BCKDHB: variants seen among roughly 807,000 people sequenced by gnomAD.
BCKDHB encodes the protein 2-oxoisovalerate dehydrogenase subunit beta, mitochondrial.
In BCKDHB, 41 loss-of-function variants were observed where a neutral mutation model predicts 48.5. The observed-to-expected ratio is 0.85, with a 90% CI of 0.66 to 1.10. BCKDHB has a LOEUF of 1.10. Among genes scored for constraint, BCKDHB ranks in the 50% least tolerant of loss-of-function variants. BCKDHB has a pLI of 0.00. For synonymous variants in BCKDHB, 201 were observed against 174.8 expected (o/e 1.15, Z -1.18); for missense variants, 496 against 494.2 (o/e 1.00, Z -0.03).
At chr6:80,239,495 G>T (rs1776289310) in intron 8 of BCKDHB, among the ~76,000 whole-genome samples, 2 of 152,062 alleles carry the variant, frequency 1.3e-5, no homozygotes, top group Admixed American at 1.3e-4. Flanking sequence ...GTAGATTCTG[G>T]ATATTAGCCC....
chr6:80,138,873 G>A (rs1392968900), intron 3 of BCKDHB, among the ~76,000 whole-genome samples: 8 of 152,158 alleles, frequency 5.3e-5, no homozygotes, highest in African/African-American at 7.2e-5. Context: ...CTGAGGAATC[G>A]CCACACTGAC....
intron 1 of BCKDHB, among the ~76,000 whole-genome samples, chr6:80,124,022 G>A (rs1770195741): frequency 6.6e-6 from 1 of 152,078 alleles, no homozygotes; most frequent in African/African-American, 2.4e-5. Flanking sequence ...TTTCTCTTGT[G>A]GGCATTTAGA....
At chr6:80,438,790 T>C in the BCKDHB span, among the ~76,000 whole-genome samples, 48 of 152,330 alleles carry the variant, frequency 3.2e-4, 1 homozygote, top group East Asian at 5.8e-3. Context: ...CATCTGTGTT[T>C]GTTGTATTTG....
At chr6:80,404,962 T>C in the BCKDHB span, among the ~76,000 whole-genome samples, 1 of 152,164 alleles carries the variant, frequency 6.6e-6, no homozygotes, top group Non-Finnish European at 1.5e-5. Flanking sequence ...GCCTGCCGTA[T>C]GATCTATTCC....
the BCKDHB span, among the ~76,000 whole-genome samples, chr6:80,412,829 G>A: frequency 6.6e-6 from 1 of 152,134 alleles, no homozygotes; most frequent in Admixed American, 6.5e-5. Context: ...TCAATTTTTT[G>A]AGTATGTAAT....
At chr6:80,425,618 A>C in the BCKDHB span, among the ~76,000 whole-genome samples, 1 of 152,200 alleles carries the variant, frequency 6.6e-6, no homozygotes, top group African/African-American at 2.4e-5. Flanking sequence ...AGTTTTGAAC[A>C]CTTAGTCACC....
the BCKDHB span, among the ~76,000 whole-genome samples, chr6:80,466,454 ATATAT>A: frequency 6.6e-6 from 1 of 152,188 alleles, no homozygotes; most frequent in Non-Finnish European, 1.5e-5. Flanking sequence ...GTTAATAAAA[ATATAT>A]TATACATTTG....
the BCKDHB span, chr6:80,443,506 GA>G: frequency 6.6e-6 from 1 of 152,152 alleles, no homozygotes; most frequent in East Asian, 1.9e-4. Context: ...TGAAAAGCGG[GA>G]AGAGCTTCTT....
At chr6:80,178,094 A>T (rs370487614) in intron 6 of BCKDHB, among the ~76,000 whole-genome samples, 10 of 152,266 alleles carry the variant, frequency 6.6e-5, no homozygotes, top group African/African-American at 2.2e-4. Flanking sequence ...CAGTCATCTC[A>T]TCTGACCTGC....
chr6:80,361,551 C>A, the BCKDHB span, among the ~76,000 whole-genome samples: 1 of 152,092 alleles, frequency 6.6e-6, no homozygotes, highest in Admixed American at 6.5e-5. Flanking sequence ...GCAGGAAAGC[C>A]CCCTGGGGTT....
chr6:80,379,656 ATC>A, the BCKDHB span, among the ~76,000 whole-genome samples: 2,911 of 152,086 alleles, frequency 0.019, 86 homozygotes, highest in African/African-American at 0.067. Flanking sequence ...GTGTCCAATT[ATC>A]TCTGTTTGCT....
the BCKDHB span, among the ~76,000 whole-genome samples, chr6:80,357,204 A>G: frequency 6.6e-6 from 1 of 152,164 alleles, no homozygotes; most frequent in African/African-American, 2.4e-5. Context: ...GGCACCCAGG[A>G]ACTAGCAACT....
chr6:80,135,845 T>A (rs1359834392), intron 3 of BCKDHB: 3 of 152,142 alleles, frequency 2.0e-5, no homozygotes, highest in African/African-American at 7.2e-5. Context: ...TCTCCAACAG[T>A]CCCTGGCAAG....
At chr6:80,443,836 T>C in the BCKDHB span, among the ~76,000 whole-genome samples, 5 of 151,968 alleles carry the variant, frequency 3.3e-5, no homozygotes, top group Non-Finnish European at 7.4e-5. Context: ...TTAATGTGAG[T>C]TTACTGAGGG....
At chr6:80,164,686 T>C (rs988546879) in intron 3 of BCKDHB, among the ~76,000 whole-genome samples, 1 of 152,254 alleles carries the variant, frequency 6.6e-6, no homozygotes, top group Non-Finnish European at 1.5e-5. Flanking sequence ...TTCAGTGTTA[T>C]AATTTTTCTA....
At chr6:80,281,783 C>T (rs567830401) in intron 9 of BCKDHB, among the ~76,000 whole-genome samples, 34 of 152,002 alleles carry the variant, frequency 2.2e-4, no homozygotes, top group Non-Finnish European at 4.4e-4. Context: ...CCCTCCAAAC[C>T]ATCTAGCAGT....
chr6:80,155,148 T>A (rs1771981907), intron 3 of BCKDHB, among the ~76,000 whole-genome samples: 1 of 152,144 alleles, frequency 6.6e-6, no homozygotes, highest in African/African-American at 2.4e-5. Flanking sequence ...TTTCTTAACA[T>A]GCTTTTTATT....
At chr6:80,338,292 A>G (rs527729300) in intron 9 of BCKDHB, among the ~76,000 whole-genome samples, 2 of 152,140 alleles carry the variant, frequency 1.3e-5, no homozygotes, top group Admixed American at 6.5e-5. Flanking sequence ...CCAGTTGTCT[A>G]TTGGGCTTTT....
the BCKDHB span, among the ~76,000 whole-genome samples, chr6:80,430,408 A>G: frequency 3.3e-5 from 5 of 151,934 alleles, no homozygotes; most frequent in East Asian, 9.7e-4. Flanking sequence ...TGCTTTTTTT[A>G]TGTTGTTTGG....
Sources: gnomAD v4.1 joint callset for allele counts (sites outside exome capture counted in the v4.1 genomes callset) on GRCh38, gnomAD v4.1.1 for gene constraint, MANE v1.5 for transcripts, NCBI Gene and HGNC (gene_info 2026-07-23, HGNC 2026-07-21) for gene names.